DHRS4L2: variants seen among roughly 807,000 people sequenced by gnomAD.
DHRS4L2 encodes the protein dehydrogenase/reductase SDR family member 4-like 2.
In DHRS4L2, 22 loss-of-function variants were observed where a neutral mutation model predicts 23.9. The ratio of observed to expected loss-of-function variants is 0.92; its 90% CI spans 0.66 to 1.31. The LOEUF (loss-of-function observed/expected upper bound fraction) is 1.31. Among genes scored for constraint, DHRS4L2 ranks in the 40% most tolerant of loss-of-function variants. The pLI, the probability that DHRS4L2 is intolerant of heterozygous loss-of-function variation, is 0.00. For synonymous variants in DHRS4L2, 141 were observed against 123.7 expected (o/e 1.14, Z -0.93); for missense variants, 385 against 303.3 (o/e 1.27, Z -2.00).
chr14:24,006,210 C>G lies in DHRS4L2; in HGVS notation c.*347C>G, dbSNP rs2034576225. 1.2e-6 allele frequency: 1 copy of G among 847,172 alleles called. No individual in the cohort carries two copies. The highest frequency in any genetic ancestry group is 1.8e-5 in the African/African-American group (1 of 57,092). The allele number at this position is 847,172 out of a possible 1,614,324, so 52.5% of individuals were successfully genotyped here. A position where few individuals can be genotyped will look rare whatever the true frequency, so the allele number is the denominator to read the frequency against. ...TGTTGTGGCCTTGGGTAAAGGCCTC[C>G]CCTGAGAACACAGGACAGGCCTGCT... On this transcript the variant is annotated 3_prime_UTR_variant, in exon 8 of 8. Coordinates refer to ENST00000335125, the MANE Select transcript of DHRS4L2 (RefSeq NM_198083.4).
rs767513494 is a variant in DHRS4L2, at chr14:23,989,035, C to T, written c.88C>T (p.Leu30Phe). 1.9e-6 allele frequency: 3 copies of T among 1,601,340 alleles called. No homozygotes were observed. Among genetic ancestry groups the T allele is most frequent in the South Asian group, 2.2e-5 (2 of 88,972 alleles). ...ASSRMTRRDP[L>F]TNKVALVTAS... ...CTCCAGGATGACCCGCCGGGACCCG[C>T]TCACAAATAAGGTGGCCCTGGTAAC... Residue 30 changes from leucine to phenylalanine, a missense_variant, in exon 1 of 8, where the codon CTC (leucine) becomes TTC (phenylalanine). Leu to Phe is a conservative substitution (Grantham distance 22, BLOSUM62 0). Transcript: ENST00000335125.
rs75949238 is a variant in DHRS4L2 at position 24,006,109 on chromosome 14, C to T, written c.*246C>T. Reference sequence around the variant, plus strand: ...CTGCTCACCTTACTGTTCACCTCATCAAATCAGTTCTGCCCTGTGAAAAGA... The same window carrying T: ...CTGCTCACCTTACTGTTCACCTCATTAAATCAGTTCTGCCCTGTGAAAAGA... On this transcript the variant is annotated 3_prime_UTR_variant, in exon 8 of 8. Coordinates refer to ENST00000335125, the MANE Select transcript of DHRS4L2 (RefSeq NM_198083.4). The T allele has an allele frequency of 1.4e-5, 18 of 1,332,650 alleles. No individual in the cohort carries two copies. In the African/African-American group the frequency reaches 2.6e-4, roughly 19 times the overall value. The allele number at this position is 1,332,650 out of a possible 1,614,324, so 82.6% of individuals were successfully genotyped here.
chr14:24,000,841 C>A (rs1262005940), intron 3 of DHRS4L2, 22 bp from the exon 4 acceptor site: 1 of 1,599,122 alleles, frequency 6.3e-7, no homozygotes, highest in Non-Finnish European at 8.5e-7. Flanking sequence ...CATGCTGTTT[C>A]CCCTTCTTCT....
chr14:23,969,931 G>A (rs1158904575), exon 1 of DHRS4L2: 28 of 450,086 alleles, frequency 6.2e-5, no homozygotes, highest in African/African-American at 5.6e-4. Context: ...AAGGCCCGGT[G>A]GGGGGAGGGG....
chr14:23,982,334 A>G (rs2034069804), intron 1 of DHRS4L2, among the ~76,000 whole-genome samples: 1 of 151,666 alleles, frequency 6.6e-6, no homozygotes, highest in Non-Finnish European at 1.5e-5. Context: ...CATAAAACAC[A>G]TGTTTCTGTG....
Position 24,006,071 on chromosome 14 carries a change from G to A in DHRS4L2, c.*208G>A, listed in dbSNP as rs2034572885. On this transcript the variant is annotated 3_prime_UTR_variant, in exon 8 of 8. Transcript: ENST00000335125. ...GTGCTGTTCCTGCATTCACCCACTGGCCTTTCCCACCTCTGCTCACCTTAC... is the reference window on the plus strand; with the variant it reads ...GTGCTGTTCCTGCATTCACCCACTGACCTTTCCCACCTCTGCTCACCTTAC... 6.4e-7 allele frequency: 1 copy of A among 1,571,738 alleles called. No homozygotes were observed. Among genetic ancestry groups the A allele is most frequent in the Admixed American group, 1.8e-5 (1 of 54,654 alleles).
intron 1 of DHRS4L2, 107 bp from the exon 2 acceptor site, chr14:23,990,075 G>A: frequency 6.5e-7 from 1 of 1,533,140 alleles, no homozygotes; most frequent in Non-Finnish European, 8.8e-7. Context: ...GAGTTATATA[G>A]AGAAAGAGCC....
Position 24,005,875 on chromosome 14 carries a change from T to C in DHRS4L2, c.*23-11T>C, listed in dbSNP as rs545625424. ...ATTTTTACCTCCTTCCTTGCTTCCC[T>C]TATTCCCCAGGTTAGGCGAGCCAGA... On this transcript the variant is annotated splice_polypyrimidine_tract_variant and intron_variant, in intron 7 of 7. Transcript: ENST00000335125. 70 of 1,609,522 alleles carry C rather than the reference T, an allele frequency of 4.3e-5. 1 individual carries two copies. In the Middle Eastern group the frequency reaches 5.0e-4, roughly 11 times the overall value.
At chr14:24,000,729 G>C in intron 3 of DHRS4L2, 134 bp from the exon 4 acceptor site, 1 of 786,426 alleles carries the variant, frequency 1.3e-6, no homozygotes, top group Non-Finnish European at 2.0e-6. Flanking sequence ...TCATGTGTAA[G>C]ATGCAGGTAT....
chr14:23,976,445 C>T (rs542270862), intron 1 of DHRS4L2, among the ~76,000 whole-genome samples: 1 of 151,916 alleles, frequency 6.6e-6, no homozygotes, highest in South Asian at 2.1e-4. Context: ...ATTAAAAAGT[C>T]AGGAAACAAT....
chr14:23,990,067 G>A, intron 1 of DHRS4L2, 115 bp from the exon 2 acceptor site: 1 of 1,507,620 alleles, frequency 6.6e-7, no homozygotes, highest in Non-Finnish European at 9.0e-7. Flanking sequence ...ACACGTAGGA[G>A]TTATATAGAG....
intron 1 of DHRS4L2, among the ~76,000 whole-genome samples, chr14:23,977,102 A>C (rs1222448764): frequency 6.6e-6 from 1 of 151,902 alleles, no homozygotes; most frequent in African/African-American, 2.4e-5. Context: ...TCAAAGTATA[A>C]TAATAAAAAA....
chr14:23,973,448 G>A (rs2138504307), intron 1 of DHRS4L2, among the ~76,000 whole-genome samples: 1 of 152,100 alleles, frequency 6.6e-6, no homozygotes, highest in East Asian at 1.9e-4. Context: ...GCAGCGGCGG[G>A]CTGAAGGGCT....
intron 2 of DHRS4L2, among the ~76,000 whole-genome samples, chr14:23,993,648 A>G (rs2034315294): frequency 6.6e-6 from 1 of 151,732 alleles, no homozygotes; most frequent in South Asian, 2.1e-4. Flanking sequence ...CTATCTACTT[A>G]TAACTTATTA....
chr14:24,000,165 C>A (rs201345922), intron 3 of DHRS4L2, among the ~76,000 whole-genome samples: 17,542 of 102,308 alleles, frequency 0.17, 1,338 homozygotes, highest in East Asian at 0.41. Flanking sequence ...CAATTGGTGA[C>A]TCTAAGTGAA....
upstream of DHRS4L2, among the ~76,000 whole-genome samples, chr14:23,987,675 C>A (rs1253311852): frequency 2.1e-5 from 3 of 144,368 alleles, no homozygotes; most frequent in South Asian, 2.1e-4. Flanking sequence ...CACACACACA[C>A]AAAAAGAAGG....
intron 7 of DHRS4L2, 110 bp from the exon 8 acceptor site, chr14:24,005,776 A>G: frequency 6.5e-7 from 1 of 1,546,010 alleles, no homozygotes; most frequent in Non-Finnish European, 8.7e-7. Flanking sequence ...ACTGATCCTG[A>G]AAAGTCATCT....
upstream of DHRS4L2, among the ~76,000 whole-genome samples, chr14:23,987,636 A>C (rs2034178689): frequency 6.6e-6 from 1 of 151,742 alleles, no homozygotes; most frequent in Non-Finnish European, 1.5e-5. Context: ...ATCTGCTTTC[A>C]TCATCTTTTC....
intron 3 of DHRS4L2, among the ~76,000 whole-genome samples, chr14:23,996,476 AAAC>A (rs1264464111): frequency 4.0e-5 from 6 of 150,680 alleles, no homozygotes; most frequent in Non-Finnish European, 7.4e-5. Flanking sequence ...TCTATATTAA[AAAC>A]AACAACAACA....
Sources: allele counts gnomAD v4.1 joint callset (sites outside exome capture counted in the v4.1 genomes callset), GRCh38; gene constraint gnomAD v4.1.1; transcripts MANE v1.5; gene names NCBI Gene and HGNC (gene_info 2026-07-23, HGNC 2026-07-21).